APBB2: variants seen among roughly 807,000 people sequenced by gnomAD.
The protein encoded by APBB2 is amyloid beta precursor protein binding family B member 2.
A neutral mutation model predicts 82.5 loss-of-function variants in APBB2; 38 were observed. That is an observed-to-expected ratio of 0.46 (90% CI 0.36 to 0.60). APBB2 has a LOEUF of 0.60. Ranked by LOEUF, APBB2 falls within the 20% of genes least tolerant of loss-of-function variation. APBB2 has a pLI of 0.00. For synonymous variants in APBB2, 341 were observed against 368.2 expected (o/e 0.93, Z 0.85); for missense variants, 772 against 972.3 (o/e 0.79, Z 2.74).
chr4:40,909,359 C>T (rs1404397972), intron 10 of APBB2, among the ~76,000 whole-genome samples: 1 of 152,168 alleles, frequency 6.6e-6, no homozygotes, highest in Non-Finnish European at 1.5e-5. Flanking sequence ...TTGCTCTCTG[C>T]AGGAAACCCA....
At chr4:41,122,292 C>T (rs1380873668) in intron 2 of APBB2, among the ~76,000 whole-genome samples, 3 of 152,190 alleles carry the variant, frequency 2.0e-5, no homozygotes, top group Admixed American at 6.5e-5. Context: ...CTTCACTGTT[C>T]TGACTGGGGT....
In APBB2 at chr4:41,160,012, A is replaced by G. The variant is rs139800573; in HGVS notation, c.-416-16870T>C. Among the ~76,000 whole-genome samples the G allele has an allele frequency of 3.0e-4, 44 of 149,080 alleles. 2 individuals carry two copies. Among genetic ancestry groups the G allele is most frequent in the African/African-American group, 1.1e-3 (42 of 39,152 alleles). On this transcript the variant is annotated intron_variant, in intron 1 of 17. Coordinates refer to ENST00000508593, the MANE Select transcript of APBB2 (RefSeq NM_004307.2). ...GAAGAAGAAGAAGAAGAAGAAGAAG[A>G]AGAAGAAGAAGAAGAAGAAGAAGAA...
intron 1 of APBB2, among the ~76,000 whole-genome samples, chr4:41,209,476 GA>G (rs2154081540): frequency 6.6e-6 from 1 of 152,348 alleles, no homozygotes; most frequent in African/African-American, 2.4e-5. Context: ...AAATGAGAGT[GA>G]AAGTCGTATT....
chr4:41,172,377 T>G lies in APBB2; in HGVS notation c.-416-29235A>C, dbSNP rs569724465. ...CCTACGTAACTTCTACTCATCAAGA[T>G]ATACTCAGGTTTTGGCTTAAATATC... On this transcript the variant is annotated intron_variant, in intron 1 of 17. Transcript: ENST00000508593. Among the ~76,000 whole-genome samples, 4 of 152,222 alleles carry G rather than the reference T, an allele frequency of 2.6e-5. No homozygotes were observed. In the East Asian group the frequency reaches 7.7e-4, roughly 29 times the overall value.
intron 12 of APBB2, among the ~76,000 whole-genome samples, chr4:40,849,725 C>CTT (rs758207803): frequency 0.16 from 20,004 of 123,080 alleles, 2,018 homozygotes; most frequent in South Asian, 0.2. Flanking sequence ...ACTAAAGTTA[C>CTT]TTTTTTTTTT....
At chr4:40,975,056 G>A (rs944667035) in intron 6 of APBB2, among the ~76,000 whole-genome samples, 11 of 152,088 alleles carry the variant, frequency 7.2e-5, no homozygotes, top group African/African-American at 2.4e-4. Context: ...CAGCATTTAG[G>A]GTTTGGTCTG....
At chr4:41,129,786 T>C (rs572161884) in intron 2 of APBB2, among the ~76,000 whole-genome samples, 1 of 151,574 alleles carries the variant, frequency 6.6e-6, no homozygotes, top group African/African-American at 2.4e-5. Context: ...TTTTGCAATT[T>C]ATATATATAA....
At chr4:40,929,004 G>T (rs1192862596) in intron 10 of APBB2, among the ~76,000 whole-genome samples, 2 of 149,814 alleles carry the variant, frequency 1.3e-5, no homozygotes, top group East Asian at 3.9e-4. Context: ...AGAAAAACTG[G>T]TAAAATCAGA....
rs996868762 is a variant in APBB2, at chr4:40,812,302, G to A, written c.*3790C>T. The A allele has an allele frequency of 2.6e-4, 40 of 152,190 alleles. No homozygotes were observed. Among genetic ancestry groups the A allele is most frequent in the African/African-American group, 8.9e-4 (37 of 41,434 alleles). The allele number at this position is 152,190 out of a possible 1,614,324, so 9.4% of individuals were successfully genotyped here. On this transcript the variant is annotated 3_prime_UTR_variant, in exon 18 of 18. Transcript: ENST00000508593. The stretch of plus-strand genomic sequence containing the variant: ...AAGATGTCAGATAAATGAGCCGAAC[G>A]TTTTATGCAGCTAAATTTATTCTCA...
rs76475377 is a variant in APBB2, at chr4:41,013,213, T to C, written c.835+370A>G. Among the ~76,000 whole-genome samples, 915 of 152,330 alleles carry C rather than the reference T, an allele frequency of 6.0e-3. 25 individuals are homozygous for C. In the East Asian group the frequency reaches 0.079, roughly 13 times the overall value. On this transcript the variant is annotated intron_variant, in intron 6 of 17. Transcript: ENST00000508593. The stretch of plus-strand genomic sequence containing the variant: ...TTATATCCTTCCCCCAACAACTTTG[T>C]TTCTTTTATTATTTTGCTTACCAAA...
chr4:40,894,147 G>A (rs537132456), intron 10 of APBB2, among the ~76,000 whole-genome samples: 1 of 152,060 alleles, frequency 6.6e-6, no homozygotes, highest in African/African-American at 2.4e-5. Context: ...AATTAGCCAG[G>A]CGTGGTGGTG....
Position 40,921,176 on chromosome 4 carries a change from C to A in APBB2, c.1254+13280G>T, listed in dbSNP as rs1781162811. On this transcript the variant is annotated intron_variant, in intron 10 of 17. Coordinates refer to ENST00000508593, the MANE Select transcript of APBB2 (RefSeq NM_004307.2). ...ACTGAACTTGTCCATAATGGCCTCA[C>A]ACCACCTTTTTGTATTTGTGCCCAT... Among the ~76,000 whole-genome samples, 2 of 152,198 alleles carry A rather than the reference C, an allele frequency of 1.3e-5. 1 individual carries two copies. Among genetic ancestry groups the A allele is most frequent in the Admixed American group, 1.3e-4 (2 of 15,280 alleles).
At chr4:40,913,175 T>TGCAGTCA (rs1778988305) in intron 10 of APBB2, among the ~76,000 whole-genome samples, 1 of 151,774 alleles carries the variant, frequency 6.6e-6, no homozygotes, top group Non-Finnish European at 1.5e-5. Flanking sequence ...AGAGACAGCC[T>TGCAGTCA]GCAGTCAGCA....
At chr4:40,827,109 G>A in intron 14 of APBB2, 23 bp downstream of exon 14, 9 of 1,608,762 alleles carry the variant, frequency 5.6e-6, no homozygotes, top group Non-Finnish European at 7.7e-6. Flanking sequence ...CCATAATGAA[G>A]ACATGAGGTG....
intron 6 of APBB2, among the ~76,000 whole-genome samples, chr4:40,982,228 A>AAAG (rs1798740009): frequency 2.8e-4 from 1 of 3,510 alleles, no homozygotes; most frequent in Non-Finnish European, 6.6e-4. Flanking sequence ...AAAGGAAAGA[A>AAAG]AGAAAGAAAG....
At chr4:40,924,688 C>A (rs1782159780) in intron 10 of APBB2, among the ~76,000 whole-genome samples, 1 of 152,246 alleles carries the variant, frequency 6.6e-6, no homozygotes. Flanking sequence ...GAGGATCCTC[C>A]AGCTCCGGCC....
intron 12 of APBB2, among the ~76,000 whole-genome samples, chr4:40,862,800 A>T (rs1763077519): frequency 6.8e-6 from 1 of 146,478 alleles, no homozygotes; most frequent in Non-Finnish European, 1.5e-5. Context: ...CAGAAGTTGC[A>T]GTGAGCCGAG....
At chr4:40,851,271 C>A (rs1759251632) in intron 12 of APBB2, among the ~76,000 whole-genome samples, 1 of 152,144 alleles carries the variant, frequency 6.6e-6, no homozygotes, top group Non-Finnish European at 1.5e-5. Context: ...TTACAACCTG[C>A]AAGTGCTTTA....
intron 10 of APBB2, among the ~76,000 whole-genome samples, chr4:40,893,660 A>G (rs1261663759): frequency 6.6e-6 from 1 of 152,182 alleles, no homozygotes; most frequent in East Asian, 1.9e-4. Context: ...TTTCTTCCTT[A>G]GAATAGGTTA....
Sources: allele counts gnomAD v4.1 joint callset (sites outside exome capture counted in the v4.1 genomes callset), GRCh38; gene constraint gnomAD v4.1.1; transcripts MANE v1.5; gene names NCBI Gene and HGNC (gene_info 2026-07-23, HGNC 2026-07-21).